The following IFIT3 variants were observed in gnomAD, a reference collection of about 807,000 sequenced individuals.
IFIT3 encodes interferon-induced protein with tetratricopeptide repeats 3.
A neutral mutation model predicts 2.4 loss-of-function variants in IFIT3; 2 were observed. That is an observed-to-expected ratio of 0.82 (90% confidence interval 0.34 to 2.60). The LOEUF is 2.60. Among genes scored for constraint, IFIT3 ranks in the 30% most tolerant of loss-of-function variants. IFIT3 has a pLI of 0.11. For synonymous variants in IFIT3, 203 were observed against 212.1 expected (o/e 0.96, Z 0.37); for missense variants, 481 against 562.4 (o/e 0.86, Z 1.46).
Position 89,328,089 on chromosome 10 carries a change from T to G in IFIT3, c.5+11T>G, listed in dbSNP as rs1564786971. 1 of 1,613,524 alleles carries G rather than the reference T, an allele frequency of 6.2e-7. No homozygotes were observed. Among genetic ancestry groups the G allele is most frequent in the Admixed American group, 1.7e-5 (1 of 60,006 alleles). ...GAGGGCAGTCATGAGGTCAGTGAAA[T>G]AAGAATGCATAATCATGCTTGTTTT... On this transcript the variant is annotated intron_variant, in intron 1 of 1. Coordinates refer to ENST00000371818, the MANE Select transcript of IFIT3 (RefSeq NM_001549.6).
At chr10:89,336,488 G>A (rs1843742445) in intron 1 of IFIT3, among the ~76,000 whole-genome samples, 1 of 152,196 alleles carries the variant, frequency 6.6e-6, no homozygotes, top group Non-Finnish European at 1.5e-5. Flanking sequence ...AGCATTACTG[G>A]AGAGACAGAC....
chr10:89,340,059 G>A lies in IFIT3; in HGVS notation c.1404G>A (p.Glu468=). ...LSASELEDGS[E]EMGQGAVSSS... The stretch of plus-strand genomic sequence containing the variant: ...CATCTGAGCTTGAGGATGGTAGTGA[G>A]GAAATGGGCCAGGGCGCAGTCAGCT... Residue 468 remains glutamate, a synonymous_variant, in exon 2 of 2, where the codon GAG becomes GAA. Coordinates refer to ENST00000371818, the MANE Select transcript of IFIT3 (RefSeq NM_001549.6). The A allele has an allele frequency of 6.2e-7, 1 of 1,614,110 alleles. No individual in the cohort carries two copies. The highest frequency in any genetic ancestry group is 8.5e-7 in the Non-Finnish European group (1 of 1,179,986).
intron 1 of IFIT3, among the ~76,000 whole-genome samples, chr10:89,332,084 A>T (rs1843658512): frequency 6.6e-6 from 1 of 152,128 alleles, no homozygotes; most frequent in Admixed American, 6.5e-5. Flanking sequence ...TACAAAAATT[A>T]TCCAGGCATG....
rs867209510 is a variant in IFIT3 at position 89,339,451 on chromosome 10, C to T, written c.796C>T (p.Arg266Trp). The T allele has an allele frequency of 4.7e-5, 76 of 1,614,020 alleles. No homozygotes were observed. The highest frequency in any genetic ancestry group is 2.0e-4 in the Admixed American group (12 of 60,004). The part of the protein sequence containing the change: ...DLDKAIELFQ[R>W]VLESTPNNGY... ...AGACAAAGCTATTGAACTGTTTCAA[C>T]GGGTGTTGGAATCCACACCAAACAA... Residue 266 changes from arginine (R) to tryptophan (W), a missense_variant, in exon 2 of 2, where the codon CGG (arginine) becomes TGG (tryptophan). Coordinates refer to ENST00000371818, the MANE Select transcript of IFIT3 (RefSeq NM_001549.6).
intron 1 of IFIT3, among the ~76,000 whole-genome samples, chr10:89,333,681 A>G (rs1038918302): frequency 2.0e-5 from 3 of 152,200 alleles, no homozygotes; most frequent in Non-Finnish European, 4.4e-5. Flanking sequence ...ACAAAAATAA[A>G]ATAAAAATAA....
chr10:89,330,483 T>A (rs1052505421), intron 1 of IFIT3, among the ~76,000 whole-genome samples: 1 of 152,188 alleles, frequency 6.6e-6, no homozygotes. Context: ...GGGCTTCCTA[T>A]CTGGAGAGTA....
chr10:89,340,325 G>A lies in IFIT3; in HGVS notation c.*197G>A, dbSNP rs531694737. On this transcript the variant is annotated 3_prime_UTR_variant, in exon 2 of 2. Coordinates refer to ENST00000371818, the MANE Select transcript of IFIT3 (RefSeq NM_001549.6). ...TGTAATCCCAGCACTTTGGGAGGCC[G>A]AGGTGGGCGGATCACGAGGTCTGGA... 36 of 477,346 alleles carry A rather than the reference G, an allele frequency of 7.5e-5. No homozygotes were observed. Among genetic ancestry groups the A allele is most frequent in the African/African-American group, 3.6e-4 (19 of 52,084 alleles). The allele number at this position is 477,346 out of a possible 1,614,324, so 29.6% of individuals were successfully genotyped here. A position where few individuals can be genotyped will look rare whatever the true frequency, so the allele number is the denominator to read the frequency against.
intron 1 of IFIT3, among the ~76,000 whole-genome samples, chr10:89,333,215 G>T (rs1564788787): frequency 6.6e-6 from 1 of 152,188 alleles, no homozygotes; most frequent in African/African-American, 2.4e-5. Context: ...ACAGGGAGAA[G>T]GTGTTGCTTG....
chr10:89,328,629 G>A (rs1350052336), intron 1 of IFIT3, among the ~76,000 whole-genome samples: 4 of 152,156 alleles, frequency 2.6e-5, no homozygotes, highest in Admixed American at 1.3e-4. Context: ...ATTACTTTAA[G>A]GTGGGAAGTG....
chr10:89,331,674 C>T (rs1383746687), intron 1 of IFIT3, among the ~76,000 whole-genome samples: 1 of 151,578 alleles, frequency 6.6e-6, no homozygotes, highest in African/African-American at 2.4e-5. Flanking sequence ...GCCTGGGCAA[C>T]ATAGTGAGAC....
At position 89,339,685 on chromosome 10, in the gene IFIT3, T is replaced by C. The variant is rs1258893642; in HGVS notation, c.1030T>C (p.Tyr344His). The change falls in exon 2 of 2, where the codon TAT (tyrosine) becomes CAT (histidine). Residue 344 changes from tyrosine (Y) to histidine (H), a missense_variant. Tyr to His is a moderately conservative substitution (Grantham distance 83). Coordinates refer to ENST00000371818, the MANE Select transcript of IFIT3 (RefSeq NM_001549.6). ...DLAEFLETECYQTPFNKEVPD... is the reference protein window; with the variant it reads ...DLAEFLETECHQTPFNKEVPD... Reference sequence around the variant, plus strand: ...CGCTGAGTTCCTGGAGACGGAATGTTATCAGACACCATTCAATAAGGAAGT... The same window carrying C: ...CGCTGAGTTCCTGGAGACGGAATGTCATCAGACACCATTCAATAAGGAAGT... 1.2e-6 allele frequency: 2 copies of C among 1,614,104 alleles called. No individual in the cohort carries two copies. Among genetic ancestry groups the C allele is most frequent in the African/African-American group, 1.3e-5 (1 of 74,940 alleles).
intron 1 of IFIT3, among the ~76,000 whole-genome samples, chr10:89,330,181 T>C (rs887944757): frequency 6.6e-6 from 1 of 152,154 alleles, no homozygotes; most frequent in Admixed American, 6.5e-5. Flanking sequence ...GCCTGACAAG[T>C]GGGCACTGTG....
intron 1 of IFIT3, among the ~76,000 whole-genome samples, chr10:89,331,082 C>G (rs1373138002): frequency 6.6e-6 from 1 of 152,186 alleles, no homozygotes. Context: ...AACAGTACTT[C>G]CAGTGTAGAG....
intron 1 of IFIT3, 33 bp from the exon 2 acceptor site, chr10:89,338,627 TA>T (rs1843786638): frequency 1.3e-6 from 2 of 1,584,798 alleles, no homozygotes; most frequent in Non-Finnish European, 1.7e-6. Flanking sequence ...CTTGGCAGTG[TA>T]CATCACAGTG....
chr10:89,339,497 T>C lies in IFIT3; in HGVS notation c.842T>C (p.Ile281Thr), dbSNP rs768315767. 5.6e-6 allele frequency: 9 copies of C among 1,614,008 alleles called. No individual in the cohort carries two copies. The highest frequency in any genetic ancestry group is 5.1e-6 in the Non-Finnish European group (6 of 1,180,000). ...TPNNGYLYHQIGCCYKAKVRQ... is the reference protein window; with the variant it reads ...TPNNGYLYHQTGCCYKAKVRQ... ...AACAATGGCTACCTCTATCACCAGA[T>C]TGGGTGCTGCTACAAGGCAAAAGTA... The change falls in exon 2 of 2, where the codon ATT becomes ACT. Residue 281 changes from isoleucine to threonine, a missense_variant. By Grantham distance (89) the Ile-to-Thr change is moderately conservative (BLOSUM62 -1). Transcript: ENST00000371818.
chr10:89,339,475 A>G lies in IFIT3; in HGVS notation c.820A>G (p.Asn274Asp). ...ACGGGTGTTGGAATCCACACCAAAC[A>G]ATGGCTACCTCTATCACCAGATTGG... ...FQRVLESTPNNGYLYHQIGCC... is the reference protein window; with the variant it reads ...FQRVLESTPNDGYLYHQIGCC... The change falls in exon 2 of 2, where the codon AAT (asparagine) becomes GAT (aspartate). Residue 274 changes from asparagine (N) to aspartate (D), a missense_variant. Transcript: ENST00000371818. 1 of 1,614,072 alleles carries G rather than the reference A, an allele frequency of 6.2e-7. No homozygotes were observed. The highest frequency in any genetic ancestry group is 8.5e-7 in the Non-Finnish European group (1 of 1,179,930).
intron 1 of IFIT3, chr10:89,332,552 T>C (rs1478400546): frequency 2.5e-6 from 4 of 1,613,660 alleles, no homozygotes; most frequent in African/African-American, 1.3e-5. Context: ...CAGCATTTGC[T>C]TGGAATCAGT....
intron 1 of IFIT3, among the ~76,000 whole-genome samples, chr10:89,335,753 G>A (rs7907230): frequency 0.056 from 8,546 of 152,050 alleles, 664 homozygotes; most frequent in African/African-American, 0.18. Flanking sequence ...CTATTGATCT[G>A]AGACTCACAC....
intron 1 of IFIT3, among the ~76,000 whole-genome samples, chr10:89,328,744 C>CA (rs900805994): frequency 2.0e-5 from 3 of 152,036 alleles, no homozygotes; most frequent in African/African-American, 4.8e-5. Context: ...TGGTCAGCAG[C>CA]AAAAAAAGAA....
Sources: gnomAD v4.1 joint callset for allele counts (sites outside exome capture counted in the v4.1 genomes callset) on GRCh38, gnomAD v4.1.1 for gene constraint, MANE v1.5 for transcripts, NCBI Gene and HGNC (gene_info 2026-07-23, HGNC 2026-07-21) for gene names.